UBE3A: variants seen among roughly 807,000 people sequenced by gnomAD.
UBE3A encodes the protein ubiquitin-protein ligase E3A.
UBE3A carries 6 observed loss-of-function variants against 83.4 expected under a neutral mutation model. The ratio of observed to expected loss-of-function variants is 0.07; its 90% confidence interval spans 0.04 to 0.14. The LOEUF (loss-of-function observed/expected upper bound fraction) is 0.14, where lower values mean the gene tolerates loss of function less well. Among genes scored for constraint, UBE3A ranks in the 10% least tolerant of loss-of-function variants. The probability of loss-of-function intolerance (pLI) is 1.00; values close to 1 mark genes in which losing one functional copy is unlikely to be tolerated. For synonymous variants in UBE3A, 337 were observed against 355.4 expected (o/e 0.95, Z 0.58); for missense variants, 456 against 1,036.1 (o/e 0.44, Z 7.69).
chr15:25,372,085 ACTTT>A (rs201232009), intron 5 of UBE3A, among the ~76,000 whole-genome samples: 3 of 152,172 alleles, frequency 2.0e-5, no homozygotes, highest in East Asian at 3.9e-4. Context: ...ATGAGTTTAA[ACTTT>A]CTTTATAATC....
chr15:25,342,844 T>G (rs1557872), intron 11 of UBE3A, among the ~76,000 whole-genome samples: 33,807 of 151,140 alleles, frequency 0.22, 5,567 homozygotes, highest in African/African-American at 0.47. Context: ...CACTACTGAG[T>G]GTAGGTTAGA....
intron 11 of UBE3A, among the ~76,000 whole-genome samples, 193 bp from the exon 12 acceptor site, chr15:25,340,421 A>AGAT (rs922521609): frequency 6.6e-6 from 1 of 152,236 alleles, no homozygotes; most frequent in Non-Finnish European, 1.5e-5. Flanking sequence ...GTAAAAATTT[A>AGAT]GATTAGATTA....
In UBE3A at chr15:25,371,492, C is replaced by A. The variant is rs1479311391; in HGVS notation, c.682G>T (p.Asp228Tyr). The A allele has an allele frequency of 6.2e-7, 1 of 1,614,042 alleles. No individual in the cohort carries two copies. The highest frequency in any genetic ancestry group is 8.5e-7 in the Non-Finnish European group (1 of 1,180,020). ...ATGGCATCAATATCCACAGACACAT[C>A]ATCAGGGCCTAATTTTTGCAAATTG... ...DNNLQKLGPDDVSVDIDAIRR... is the reference protein window; with the variant it reads ...DNNLQKLGPDYVSVDIDAIRR... Residue 228 changes from aspartate (D) to tyrosine (Y), a missense_variant, in exon 6 of 13, where the codon GAT (aspartate) becomes TAT (tyrosine). By Grantham distance (160) the Asp-to-Tyr change is radical (BLOSUM62 -3). Coordinates refer to ENST00000648336, the MANE Select transcript of UBE3A (RefSeq NM_130839.5). This position sits in a 1 kb window ranked among gnomAD's most constrained non-coding sequence, Gnocchi z 5.3.
intron 4 of UBE3A, among the ~76,000 whole-genome samples, chr15:25,398,769 A>ATT (rs1407556548): frequency 1.6e-4 from 13 of 80,872 alleles, no homozygotes; most frequent in East Asian, 9.1e-4. Flanking sequence ...TTATTCTTTT[A>ATT]TTTATATATA....
rs566793027 is a variant in UBE3A, at chr15:25,371,774, G to T, written c.400C>A (p.Leu134Ile). ...YLTEEKVYEILELCREREDYS... is the reference protein window; with the variant it reads ...YLTEEKVYEIIELCREREDYS... ...TCCTCTCTTTCTCTACATAATTCAA[G>T]AATTTCATATACCTTCTCTTCTGTT... The change falls in exon 6 of 13, where the codon CTT becomes ATT. Residue 134 changes from leucine (L) to isoleucine (I), a missense_variant. By Grantham distance (5) the Leu-to-Ile change is conservative (BLOSUM62 2). Around this residue, in one of 13 missense-constraint regions of UBE3A, gnomAD observed 34 missense variants for 79.1 expected, o/e 0.43. Coordinates refer to ENST00000648336, the MANE Select transcript of UBE3A (RefSeq NM_130839.5). This position sits in a 1 kb window ranked among gnomAD's most constrained non-coding sequence, Gnocchi z 5.3. The T allele has an allele frequency of 6.8e-6, 11 of 1,612,318 alleles. No homozygotes were observed. Among genetic ancestry groups the T allele is most frequent in the South Asian group, 2.2e-5 (2 of 91,006 alleles).
chr15:25,411,521 T>C (rs753110369), intron 2 of UBE3A, among the ~76,000 whole-genome samples: 3 of 152,180 alleles, frequency 2.0e-5, no homozygotes, highest in Admixed American at 6.5e-5. Context: ...ACCTGGGAGA[T>C]GGACGTTGCA....
intron 4 of UBE3A, among the ~76,000 whole-genome samples, chr15:25,390,705 C>T (rs2084148100): frequency 6.6e-6 from 1 of 152,068 alleles, no homozygotes; most frequent in African/African-American, 2.4e-5. Flanking sequence ...ATGGTAGATA[C>T]ATGTCATTGT....
Position 25,370,537 on chromosome 15 carries a change from T to G in UBE3A, c.1608+29A>C, listed in dbSNP as rs756710925. 5.0e-6 allele frequency: 8 copies of G among 1,613,656 alleles called. No individual in the cohort carries two copies. The highest frequency in any genetic ancestry group is 5.1e-6 in the Non-Finnish European group (6 of 1,179,690). On this transcript the variant is annotated intron_variant, in intron 6 of 12. Coordinates refer to ENST00000648336, the MANE Select transcript of UBE3A (RefSeq NM_130839.5). The surrounding 1 kb of genome is among the most constrained non-coding windows in gnomAD (Gnocchi z 4.2). ...AACTGTATCATGATATCCCCATTAT[T>G]AGGTTTTTAATCTAGCAGCCCAACT...
At chr15:25,392,493 G>C (rs1011221086) in intron 4 of UBE3A, among the ~76,000 whole-genome samples, 7 of 152,116 alleles carry the variant, frequency 4.6e-5, no homozygotes, top group Non-Finnish European at 7.3e-5. Flanking sequence ...ACTTCCAAAT[G>C]TCTACTTCAG....
rs966189968 is a variant in UBE3A at position 25,341,990 on chromosome 15, T to C, written c.2355-1762A>G. 3.3e-5 allele frequency among the ~76,000 whole-genome samples: 5 copies of C among 152,086 alleles called. No individual in the cohort carries two copies. In the East Asian group the frequency reaches 9.6e-4, roughly 29 times the overall value. The stretch of plus-strand genomic sequence containing the variant: ...GAATTCTTGGCTTTCTCCAATCTCT[T>C]GCCACTTCCCTTCCCTGCCCCTTTA... On this transcript the variant is annotated intron_variant, in intron 11 of 12. Transcript: ENST00000648336.
chr15:25,345,752 T>C (rs988570475), intron 11 of UBE3A: 17 of 151,324 alleles, frequency 1.1e-4, no homozygotes, highest in African/African-American at 3.9e-4. Context: ...CTAAAAAGAA[T>C]TTAAAAAATA....
chr15:25,388,059 C>A (rs140411031), intron 4 of UBE3A, among the ~76,000 whole-genome samples: 29 of 152,308 alleles, frequency 1.9e-4, no homozygotes, highest in Admixed American at 1.9e-3. Context: ...CACCAGTTCT[C>A]TACAATCTCC....
chr15:25,411,216 G>GATA (rs2089927896), intron 2 of UBE3A, among the ~76,000 whole-genome samples: 1 of 152,170 alleles, frequency 6.6e-6, no homozygotes, highest in African/African-American at 2.4e-5. Flanking sequence ...GTAGAACTAG[G>GATA]ATAATAGTAC....
intron 1 of UBE3A, 128 bp from the exon 2 acceptor site, chr15:25,412,099 A>G (rs1328767599): frequency 6.6e-6 from 1 of 152,218 alleles, no homozygotes; most frequent in Non-Finnish European, 1.5e-5. Context: ...CCAAAAACGT[A>G]TCAAGAAACA....
At chr15:25,368,219 AC>A (rs2079644012) in intron 6 of UBE3A, among the ~76,000 whole-genome samples, 1 of 152,108 alleles carries the variant, frequency 6.6e-6, no homozygotes, top group African/African-American at 2.4e-5. Context: ...ATCTTAAACC[AC>A]TTTCTATTAT....
intron 4 of UBE3A, among the ~76,000 whole-genome samples, chr15:25,387,498 G>A (rs1456757309): frequency 2.0e-5 from 3 of 151,876 alleles, no homozygotes; most frequent in Admixed American, 6.6e-5. Flanking sequence ...CTCCAGCCTG[G>A]GCGACAAAGC....
In UBE3A at chr15:25,370,889, G is replaced by A. The variant is rs1263950376; in HGVS notation, c.1285C>T (p.Leu429Phe). The change falls in exon 6 of 13, where the codon CTT becomes TTT. Residue 429 changes from leucine (L) to phenylalanine (F), a missense_variant. This residue lies in a region of UBE3A where 85 missense variants were observed against 137.0 expected (regional missense o/e 0.62). Coordinates refer to ENST00000648336, the MANE Select transcript of UBE3A (RefSeq NM_130839.5). The surrounding 1 kb of genome is among the most constrained non-coding windows in gnomAD (Gnocchi z 4.2). ...CGACAATCCAGGGTTTTAACACCAA[G>A]TTCAGTTTCCAGGGGGTCCACTCGA... ...GPRVDPLETELGVKTLDCRKP... is the reference protein window; with the variant it reads ...GPRVDPLETEFGVKTLDCRKP... 6.2e-7 allele frequency: 1 copy of A among 1,613,962 alleles called. No homozygotes were observed. The highest frequency in any genetic ancestry group is 1.1e-5 in the South Asian group (1 of 91,068).
chr15:25,350,929 G>A (rs1274829314), intron 11 of UBE3A, among the ~76,000 whole-genome samples: 2 of 152,186 alleles, frequency 1.3e-5, no homozygotes, highest in African/African-American at 4.8e-5. Context: ...TTCACTGGAA[G>A]GGAAAACATG....
chr15:25,428,323 T>C (rs74006414), intron 1 of UBE3A, among the ~76,000 whole-genome samples: 7,068 of 152,102 alleles, frequency 0.046, 209 homozygotes, highest in African/African-American at 0.065. Context: ...TGAACCTAAA[T>C]GCAAATAACA....
Sources: allele counts gnomAD v4.1 joint callset (sites outside exome capture counted in the v4.1 genomes callset), GRCh38; gene constraint gnomAD v4.1.1; regional missense constraint gnomAD v4.1.1; non-coding constraint Gnocchi (gnomAD v3.1); transcripts MANE v1.5; gene names NCBI Gene and HGNC (gene_info 2026-07-23, HGNC 2026-07-21).